Variants in CSMD2 observed in about 807,000 individuals in gnomAD.
CSMD2 encodes CUB and sushi domain-containing protein 2.
In CSMD2, 130 loss-of-function variants were observed where a neutral mutation model predicts 398.5. That is an observed-to-expected ratio of 0.33 (90% CI 0.28 to 0.38). The LOEUF (loss-of-function observed/expected upper bound fraction) is 0.38. Ranked by LOEUF, CSMD2 falls within the 10% of genes least tolerant of loss-of-function variation. The probability of loss-of-function intolerance (pLI) is 1.00; values close to 1 mark genes in which losing one functional copy is unlikely to be tolerated. For synonymous variants in CSMD2, 1,828 were observed against 1,908.5 expected, an observed-to-expected ratio of 0.96 and a Z score of 1.10; for missense variants, 3,829 against 4,764.9, an observed-to-expected ratio of 0.80 and a Z score of 5.78.
At chr1:33,693,917 G>C (rs1003008359) in intron 24 of CSMD2, among the ~76,000 whole-genome samples, 8 of 152,076 alleles carry the variant, frequency 5.3e-5, no homozygotes, top group Non-Finnish European at 8.8e-5. Flanking sequence ...AAATTAGCCA[G>C]GCGTGGTGGT....
chr1:33,758,992 T>G (rs1156255184), intron 13 of CSMD2, among the ~76,000 whole-genome samples: 1 of 152,100 alleles, frequency 6.6e-6, no homozygotes, highest in African/African-American at 2.4e-5. Flanking sequence ...GAGTAATAAA[T>G]AAATATTTAT....
At chr1:33,800,719 T>C (rs1655493081) in intron 10 of CSMD2, among the ~76,000 whole-genome samples, 2 of 152,130 alleles carry the variant, frequency 1.3e-5, no homozygotes, top group African/African-American at 2.4e-5. Context: ...GGGTTTGTCT[T>C]CAGCAACAGA....
At chr1:33,849,607 C>T (rs1031963326) in intron 5 of CSMD2, among the ~76,000 whole-genome samples, 1 of 152,080 alleles carries the variant, frequency 6.6e-6, no homozygotes, top group Admixed American at 6.5e-5. Flanking sequence ...ACACATTGGG[C>T]AAACTCCAAG....
Position 34,074,475 on chromosome 1 carries a change from ACTTTTGCCTAGAC to A in CSMD2, c.404+14489_404+14501del, listed in dbSNP as rs369891191. ...TCATTCTGCACCTCACCTTTCTCTC[ACTTTTGCCTAGAC>A]CTATGCACATACTATTTCTTGGCTC... On this transcript the variant is annotated intron_variant, in intron 2 of 70. Coordinates refer to ENST00000373381, the MANE Select transcript of CSMD2 (RefSeq NM_001281956.2). Among the ~76,000 whole-genome samples, 1,257 of 152,090 alleles carry A rather than the reference ACTTTTGCCTAGAC, an allele frequency of 8.3e-3. 13 individuals are homozygous for A. Among genetic ancestry groups the A allele is most frequent in the South Asian group, 0.043 (205 of 4,806 alleles).
chr1:34,165,819 ATAGCCTC>A (rs1557465526), upstream of CSMD2: 1 of 1,609,064 alleles, frequency 6.2e-7, no homozygotes, highest in East Asian at 2.3e-5. Context: ...CTCATTCACA[ATAGCCTC>A]CTACCCCATC....
chr1:33,829,718 G>A (rs573553166), intron 6 of CSMD2, among the ~76,000 whole-genome samples: 2 of 152,210 alleles, frequency 1.3e-5, no homozygotes, highest in Non-Finnish European at 2.9e-5. Flanking sequence ...TGCCTCACTC[G>A]GGAAGTGCAA....
chr1:33,880,381 T>G (rs1641152852), intron 5 of CSMD2, among the ~76,000 whole-genome samples: 1 of 145,666 alleles, frequency 6.9e-6, no homozygotes, highest in Admixed American at 6.7e-5. Flanking sequence ...ACATTCAAAC[T>G]TTCTATCTGA....
intron 3 of CSMD2, among the ~76,000 whole-genome samples, chr1:33,983,508 T>C (rs544174420): frequency 5.9e-4 from 90 of 152,248 alleles, no homozygotes; most frequent in Admixed American, 2.6e-3. Context: ...TGGTCTGTAA[T>C]CTGCAAGACT....
Position 33,527,198 on chromosome 1 carries a change from A to C in CSMD2, c.10232T>G (p.Leu3411Trp), listed in dbSNP as rs2148543589. ...CCAATGATCTGGACCATACGTACTC[A>C]AGGCTTGGGTGAGCGGTGGCTCCCG... is the stretch of plus-strand genomic sequence containing the variant. ...TAREPPLTQA[L>W]IPGDVFAKNS... Residue 3411 changes from leucine to tryptophan, a missense_variant and splice_region_variant, in exon 65 of 71, where the codon TTG becomes TGG. Physicochemically the swap from Leu to Trp is moderately conservative, Grantham distance 61. Transcript: ENST00000373381. 2 of 1,613,836 alleles carry C rather than the reference A, an allele frequency of 1.2e-6. No individual in the cohort carries two copies. Among genetic ancestry groups the C allele is most frequent in the South Asian group, 2.2e-5 (2 of 91,066 alleles).
intron 22 of CSMD2, among the ~76,000 whole-genome samples, chr1:33,701,330 C>A (rs1448247396): frequency 6.6e-6 from 1 of 152,208 alleles, no homozygotes; most frequent in African/African-American, 2.4e-5. Flanking sequence ...ATCTGGCTTC[C>A]CTCACTCCCA....
intron 1 of CSMD2, among the ~76,000 whole-genome samples, chr1:34,128,826 G>A (rs1321233810): frequency 1.3e-5 from 2 of 152,270 alleles, no homozygotes; most frequent in East Asian, 1.9e-4. Context: ...GACTAGGGAT[G>A]GGGGAGGTTC....
intron 49 of CSMD2, among the ~76,000 whole-genome samples, chr1:33,574,177 AG>A (rs1194153409): frequency 1.3e-5 from 2 of 152,220 alleles, no homozygotes; most frequent in African/African-American, 2.4e-5. Flanking sequence ...CCCATGAAAA[AG>A]AGGGTGAAAA....
intron 5 of CSMD2, among the ~76,000 whole-genome samples, chr1:33,873,390 C>A (rs184428331): frequency 1.3e-5 from 2 of 152,306 alleles, no homozygotes; most frequent in Non-Finnish European, 1.5e-5. Context: ...GCAGTCCCCT[C>A]CCTTTGTGTG....
intron 2 of CSMD2, among the ~76,000 whole-genome samples, chr1:34,088,387 C>T (rs1658162470): frequency 6.6e-6 from 1 of 152,170 alleles, no homozygotes. Flanking sequence ...AGGTTGGAAG[C>T]CTTCCTCCCA....
intron 3 of CSMD2, among the ~76,000 whole-genome samples, chr1:33,955,367 C>A (rs1645133861): frequency 6.6e-6 from 1 of 152,130 alleles, no homozygotes; most frequent in Non-Finnish European, 1.5e-5. Flanking sequence ...CATCCTGGGG[C>A]CTGTGCAGAG....
chr1:33,715,686 A>C (rs1646142975), intron 20 of CSMD2, among the ~76,000 whole-genome samples: 1 of 152,138 alleles, frequency 6.6e-6, no homozygotes, highest in South Asian at 2.1e-4. Flanking sequence ...GCCGTGGCTG[A>C]GAAAGGTGGA....
At chr1:33,974,692 C>T (rs1275917637) in intron 3 of CSMD2, among the ~76,000 whole-genome samples, 1 of 152,138 alleles carries the variant, frequency 6.6e-6, no homozygotes, top group Non-Finnish European at 1.5e-5. Flanking sequence ...GGGCTCGACA[C>T]AAAGCACACT....
rs541420853 is a variant in CSMD2, at chr1:33,618,616, A to G, written c.5828-999T>C. Among the ~76,000 whole-genome samples, 589 of 152,094 alleles carry G rather than the reference A, an allele frequency of 3.9e-3. 6 individuals are homozygous for G. Among genetic ancestry groups the G allele is most frequent in the African/African-American group, 0.014 (561 of 41,494 alleles). Reference sequence around the variant, plus strand: ...CTGGCATTGCACACAATGTTTTGCTAGAGCACCCAGCTTAATCTTCCTCCT... The same window carrying G: ...CTGGCATTGCACACAATGTTTTGCTGGAGCACCCAGCTTAATCTTCCTCCT... On this transcript the variant is annotated intron_variant, in intron 37 of 70. Coordinates refer to ENST00000373381, the MANE Select transcript of CSMD2 (RefSeq NM_001281956.2).
At chr1:33,744,473 T>C (rs760183269) in intron 13 of CSMD2, among the ~76,000 whole-genome samples, 9 of 152,148 alleles carry the variant, frequency 5.9e-5, no homozygotes, top group Non-Finnish European at 1.3e-4. Flanking sequence ...CTCTCTCCCC[T>C]ATTTCACCCT....
Sources: allele counts gnomAD v4.1 joint callset (sites outside exome capture counted in the v4.1 genomes callset), GRCh38; gene constraint gnomAD v4.1.1; transcripts MANE v1.5; gene names NCBI Gene and HGNC (gene_info 2026-07-23, HGNC 2026-07-21).